The following UNC5D variants were observed in gnomAD, a reference collection of about 807,000 sequenced individuals.
UNC5D encodes netrin receptor UNC5D.
In UNC5D, 39 loss-of-function variants were observed where a neutral mutation model predicts 105.4. The observed-to-expected ratio is 0.37, with a 90% CI of 0.29 to 0.48. UNC5D has a LOEUF of 0.48. Ranked by LOEUF, UNC5D falls within the 20% of genes least tolerant of loss-of-function variation. The pLI, the probability that UNC5D is intolerant of heterozygous loss-of-function variation, is 0.98. For missense variants in UNC5D, 991 were observed against 1,202.4 expected (o/e 0.82, Z 2.60); for synonymous variants, 452 against 450.4 (o/e 1.00, Z -0.04).
chr8:35,777,403 T>G lies in UNC5D; in HGVS notation c.2657+2926T>G, dbSNP rs370783931. ...CAGCCTAGGTGACAGAGCAAGACCC[T>G]GATTCAAAACAATAATACTAAATAA... On this transcript the variant is annotated intron_variant, in intron 16 of 16. Transcript: ENST00000404895. Among the ~76,000 whole-genome samples the G allele has an allele frequency of 3.5e-4, 54 of 152,308 alleles. 1 individual carries two copies. The South Asian group carries it at 0.011, about 32-fold the overall frequency.
At chr8:35,690,511 G>A (rs1298747887) in intron 7 of UNC5D, among the ~76,000 whole-genome samples, 1 of 152,200 alleles carries the variant, frequency 6.6e-6, no homozygotes, top group Admixed American at 6.5e-5. Context: ...GGTGGCTTAT[G>A]CCTGTAGTCC....
chr8:35,458,933 T>A (rs562200565), intron 1 of UNC5D, among the ~76,000 whole-genome samples: 1 of 152,300 alleles, frequency 6.6e-6, no homozygotes, highest in South Asian at 2.1e-4. Context: ...TGATCAGCTC[T>A]GTAGTGGATG....
chr8:35,311,710 T>A (rs1808899114), intron 1 of UNC5D, among the ~76,000 whole-genome samples: 1 of 152,094 alleles, frequency 6.6e-6, no homozygotes, highest in African/African-American at 2.4e-5. Flanking sequence ...AATCACATCC[T>A]CAGCAGCAAC....
chr8:35,559,845 A>G (rs562489338), intron 2 of UNC5D, among the ~76,000 whole-genome samples: 2 of 152,352 alleles, frequency 1.3e-5, no homozygotes, highest in South Asian at 4.1e-4. Flanking sequence ...AGACCTGCTA[A>G]GAGTAACTAG....
At chr8:35,419,747 G>C (rs1805768786) in intron 1 of UNC5D, among the ~76,000 whole-genome samples, 1 of 152,202 alleles carries the variant, frequency 6.6e-6, no homozygotes, top group Admixed American at 6.5e-5. Flanking sequence ...AAGTGAGAAG[G>C]GAGGATCACA....
intron 1 of UNC5D, among the ~76,000 whole-genome samples, chr8:35,462,965 T>G (rs1809009881): frequency 6.6e-6 from 1 of 152,354 alleles, no homozygotes; most frequent in Non-Finnish European, 1.5e-5. Context: ...CATGTTGTTT[T>G]CTTAAGACAT....
chr8:35,686,536 C>T lies in UNC5D; in HGVS notation c.920-9C>T. 1.3e-6 allele frequency: 2 copies of T among 1,552,120 alleles called. No homozygotes were observed. The highest frequency in any genetic ancestry group is 1.7e-6 in the Non-Finnish European group (2 of 1,157,294). ...TTCTAACAATGGTTTCTTTTGTTTCCCTTTGAAGTGGATGGGAGCTGGGAA... is the reference window on the plus strand; with the variant it reads ...TTCTAACAATGGTTTCTTTTGTTTCTCTTTGAAGTGGATGGGAGCTGGGAA... On this transcript the variant is annotated splice_polypyrimidine_tract_variant and intron_variant, in intron 6 of 16. Transcript: ENST00000404895.
At chr8:35,285,070 C>T (rs888488396) in intron 1 of UNC5D, among the ~76,000 whole-genome samples, 1 of 152,124 alleles carries the variant, frequency 6.6e-6, no homozygotes, top group African/African-American at 2.4e-5. Flanking sequence ...TACATAGCAA[C>T]ACTCATGTTT....
rs370449036 is a variant in UNC5D at position 35,340,373 on chromosome 8, T to C, written c.103+104486T>C. Among the ~76,000 whole-genome samples, 158 of 152,298 alleles carry C rather than the reference T, an allele frequency of 1.0e-3. 1 individual carries two copies. In the Middle Eastern group the frequency reaches 0.034, roughly 33 times the overall value. On this transcript the variant is annotated intron_variant, in intron 1 of 16. Coordinates refer to ENST00000404895, the MANE Select transcript of UNC5D (RefSeq NM_080872.4). Reference sequence around the variant, plus strand: ...CTGTTGAGGGCCAGATCCAGCAACATAGCACATGGCTCTATGTGGACCAGA... The same window carrying C: ...CTGTTGAGGGCCAGATCCAGCAACACAGCACATGGCTCTATGTGGACCAGA...
chr8:35,458,350 G>A (rs1326330837), intron 1 of UNC5D, among the ~76,000 whole-genome samples: 2 of 152,152 alleles, frequency 1.3e-5, no homozygotes, highest in Non-Finnish European at 2.9e-5. Flanking sequence ...AGAGGGGACT[G>A]TTAATGGTGG....
chr8:35,472,053 C>T (rs960502404), intron 1 of UNC5D, among the ~76,000 whole-genome samples: 5 of 152,122 alleles, frequency 3.3e-5, no homozygotes, highest in African/African-American at 4.8e-5. Context: ...CTGAAAGGGA[C>T]ACAGACTACA....
At chr8:35,607,853 C>T (rs187829813) in intron 4 of UNC5D, among the ~76,000 whole-genome samples, 222 of 151,744 alleles carry the variant, frequency 1.5e-3, no homozygotes, top group Non-Finnish European at 1.6e-3. Flanking sequence ...CTAACCCTAA[C>T]CCCTAACCCT....
intron 1 of UNC5D, among the ~76,000 whole-genome samples, chr8:35,353,375 T>C (rs1359751917): frequency 6.6e-6 from 1 of 152,174 alleles, no homozygotes; most frequent in Non-Finnish European, 1.5e-5. Flanking sequence ...ACCCGCCAAA[T>C]TGGCAAAAGC....
At chr8:35,468,847 A>C (rs950362478) in intron 1 of UNC5D, among the ~76,000 whole-genome samples, 1 of 152,184 alleles carries the variant, frequency 6.6e-6, no homozygotes, top group Non-Finnish European at 1.5e-5. Context: ...CTTTTTAATT[A>C]AGATTCTTGT....
intron 2 of UNC5D, among the ~76,000 whole-genome samples, chr8:35,552,387 C>A (rs967071181): frequency 8.5e-5 from 13 of 152,170 alleles, no homozygotes; most frequent in Admixed American, 2.0e-4. Context: ...TCTCCCAAAT[C>A]AAAATATTGA....
intron 3 of UNC5D, among the ~76,000 whole-genome samples, chr8:35,579,726 A>C (rs942568177): frequency 6.6e-6 from 1 of 152,200 alleles, no homozygotes. Flanking sequence ...AGTGAACAGG[A>C]CAAATTATGG....
intron 4 of UNC5D, among the ~76,000 whole-genome samples, chr8:35,610,437 G>C (rs74878825): frequency 0.025 from 3,853 of 152,188 alleles, 72 homozygotes; most frequent in Non-Finnish European, 0.041. Flanking sequence ...TATATATTCT[G>C]TTCCTCTTTA....
chr8:35,434,119 G>A (rs898472117), intron 1 of UNC5D, among the ~76,000 whole-genome samples: 1 of 152,050 alleles, frequency 6.6e-6, no homozygotes, highest in East Asian at 1.9e-4. Flanking sequence ...TATTGATTTA[G>A]GAAAGTATGA....
At chr8:35,761,772 C>G (rs1014411361) in intron 14 of UNC5D, among the ~76,000 whole-genome samples, 1 of 152,132 alleles carries the variant, frequency 6.6e-6, no homozygotes, top group Non-Finnish European at 1.5e-5. Context: ...TGAAATCCCT[C>G]AGCTTGTGTG....
Sources: gnomAD v4.1 joint callset for allele counts (sites outside exome capture counted in the v4.1 genomes callset) on GRCh38, gnomAD v4.1.1 for gene constraint, MANE v1.5 for transcripts, NCBI Gene and HGNC (gene_info 2026-07-23, HGNC 2026-07-21) for gene names.